PLOD3: variants seen among roughly 807,000 people sequenced by gnomAD.
PLOD3 encodes the protein procollagen-lysine,2-oxoglutarate 5-dioxygenase 3, also known as multifunctional procollagen lysine hydroxylase and glycosyltransferase LH3.
A neutral mutation model predicts 96.9 loss-of-function variants in PLOD3; 73 were observed. The observed-to-expected ratio is 0.75, with a 90% CI of 0.62 to 0.92. The LOEUF (loss-of-function observed/expected upper bound fraction) is 0.92, where lower values mean the gene tolerates loss of function less well. PLOD3 is among the 40% of genes least tolerant of loss of function. PLOD3 has a pLI of 0.00. For synonymous variants in PLOD3, 454 were observed against 413.7 expected, an observed-to-expected ratio of 1.10 and a Z score of -1.18; for missense variants, 1,004 against 1,004.3, an observed-to-expected ratio of 1.00 and a Z score of 0.00.
At position 101,215,056 on chromosome 7, in the gene PLOD3, G is replaced by GC. The variant is rs762174130; in HGVS notation, c.679+32dup. The GC allele has an allele frequency of 9.2e-6, 14 of 1,525,290 alleles. No individual in the cohort carries two copies. In the African/African-American group the frequency reaches 1.9e-4, roughly 21 times the overall value. 94.5% of individuals were successfully genotyped at this position (1,525,290 alleles called of 1,614,324 possible). A position where few individuals can be genotyped will look rare whatever the true frequency, so the allele number is the denominator to read the frequency against. ...CAAGACCCCTAGCTGCAGAGGCTGC[G>GC]CATCGCCCACCTGCGGCTGTCTTCC... On this transcript the variant is annotated intron_variant, in intron 6 of 18. Coordinates refer to ENST00000223127, the MANE Select transcript of PLOD3 (RefSeq NM_001084.5).
rs140299455 is a variant in PLOD3 at position 101,212,598 on chromosome 7, G to A, written c.937C>T (p.Arg313Cys). The A allele has an allele frequency of 1.7e-5, 28 of 1,613,804 alleles. No homozygotes were observed. The highest frequency in any genetic ancestry group is 2.1e-5 in the Non-Finnish European group (25 of 1,179,900). ...AGGAGTAGCAGCCGCTGCAGGAAGCGGGGCAGAAACGGAGTAGGCTGTTCC... is the reference window on the plus strand; with the variant it reads ...AGGAGTAGCAGCCGCTGCAGGAAGCAGGGCAGAAACGGAGTAGGCTGTTCC... ...FVEQPTPFLP[R>C]FLQRLLLLDY... is the part of the protein sequence containing the mutation. The change falls in exon 9 of 19, where the codon CGC becomes TGC. Residue 313 changes from arginine (R) to cysteine (C), a missense_variant. Physicochemically the swap from Arg to Cys is radical, Grantham distance 180. Coordinates refer to ENST00000223127, the MANE Select transcript of PLOD3 (RefSeq NM_001084.5).
rs757687149 is a variant in PLOD3 at position 101,211,631 on chromosome 7, G to A, written c.1318C>T (p.Arg440Cys). 22 of 1,606,520 alleles carry A rather than the reference G, an allele frequency of 1.4e-5. No individual in the cohort carries two copies. The highest frequency in any genetic ancestry group is 2.2e-5 in the East Asian group (1 of 44,546). Reference protein sequence around the residue: ...GALSPDEYYARSEDYVELVQR... With the variant: ...GALSPDEYYACSEDYVELVQR... ...ACCAGCTCCACGTAGTCCTCGGAGC[G>A]GGCGTAGTACTCATCGGGGCTCAGG... Residue 440 changes from arginine to cysteine, a missense_variant, in exon 12 of 19, where the codon CGC (arginine) becomes TGC (cysteine). Arg to Cys is a radical substitution (Grantham distance 180). Coordinates refer to ENST00000223127, the MANE Select transcript of PLOD3 (RefSeq NM_001084.5).
intron 17 of PLOD3, 25 bp downstream of exon 17, chr7:101,207,553 G>T: frequency 6.2e-7 from 1 of 1,610,266 alleles, no homozygotes. Context: ...AAGGTGGGGA[G>T]GCAGCTGGCA....
intron 6 of PLOD3, among the ~76,000 whole-genome samples, chr7:101,213,750 G>A (rs147574319): frequency 2.1e-3 from 321 of 152,234 alleles, no homozygotes; most frequent in African/African-American, 7.1e-3. Context: ...GCAGGCTGGA[G>A]TGCAGTGGCA....
chr7:101,209,073 G>T, intron 15 of PLOD3, 116 bp from the exon 16 acceptor site: 1 of 781,776 alleles, frequency 1.3e-6, no homozygotes, highest in Non-Finnish European at 2.2e-6. Context: ...TGTGAGAGCA[G>T]CCGGGGACCC....
In PLOD3 at chr7:101,210,073, G is replaced by A; in HGVS notation, c.1683+20C>T. The A allele has an allele frequency of 6.5e-6, 10 of 1,542,906 alleles. No individual in the cohort carries two copies. The highest frequency in any genetic ancestry group is 7.9e-6 in the Non-Finnish European group (9 of 1,135,398). On this transcript the variant is annotated intron_variant, in intron 15 of 18. Coordinates refer to ENST00000223127, the MANE Select transcript of PLOD3 (RefSeq NM_001084.5). ...TGGCCATGAGGGCAGGGGGTGGGTGGGGAGGCTGCGTGGGCTCACCTGCTC... is the reference window on the plus strand; with the variant it reads ...TGGCCATGAGGGCAGGGGGTGGGTGAGGAGGCTGCGTGGGCTCACCTGCTC...
chr7:101,213,032 C>A, intron 7 of PLOD3, 75 bp downstream of exon 7: 6 of 1,382,070 alleles, frequency 4.3e-6, no homozygotes, highest in Non-Finnish European at 1.0e-6. Context: ...CTGGGAAGGG[C>A]CAGCTTCTCA....
Position 101,216,291 on chromosome 7 carries a change from A to G in PLOD3, c.374T>C (p.Leu125Pro). 6.2e-7 allele frequency: 1 copy of G among 1,613,522 alleles called. No individual in the cohort carries two copies. Among genetic ancestry groups the G allele is most frequent in the African/African-American group, 1.3e-5 (1 of 75,050 alleles). ...DVILAGSPTE[L>P]LKKFVQSGSR... is the part of the protein sequence containing the mutation. ...GCCACTCTGGACGAACTTCTTCAGC[A>G]GCTCTGTGGGGCTGCCGGCCAGAAT... Residue 125 changes from leucine (L) to proline (P), a missense_variant, in exon 4 of 19, where the codon CTG (leucine) becomes CCG (proline). By Grantham distance (98) the Leu-to-Pro change is moderately conservative. This residue lies in a region of PLOD3 where 690 missense variants were observed against 650.2 expected (regional missense o/e 1.06). Transcript: ENST00000223127.
chr7:101,206,637 C>A lies in PLOD3; in HGVS notation c.2061+142G>T. The A allele has an allele frequency of 1.5e-5, 17 of 1,110,010 alleles. No individual in the cohort carries two copies. In the South Asian group the frequency reaches 2.2e-4, roughly 14 times the overall value. The allele number at this position is 1,110,010 out of a possible 1,614,324, so 68.8% of individuals were successfully genotyped here. On this transcript the variant is annotated intron_variant, in intron 18 of 18. Coordinates refer to ENST00000223127, the MANE Select transcript of PLOD3 (RefSeq NM_001084.5). ...CAGGAGGAAGCAGAGGCCGCCTGCC[C>A]AGAAGCGATCCAGGAGCTGATACCC...
intron 17 of PLOD3, among the ~76,000 whole-genome samples, chr7:101,207,267 C>T (rs944636600): frequency 3.3e-5 from 5 of 152,098 alleles, no homozygotes; most frequent in South Asian, 2.1e-4. Flanking sequence ...TGAGCCACCA[C>T]GCCCGGCCAT....
Position 101,210,353 on chromosome 7 carries a change from C to T in PLOD3, c.1592G>A (p.Trp531Ter). Residue 531 changes from tryptophan (W) to a stop codon, truncating the protein, a stop_gained, in exon 14 of 19, where the codon TGG becomes TAG. Transcript: ENST00000223127. LOFTEE classifies it high-confidence loss of function. ...YDTEHLHPDL[W>*]QIFDNPVDWK... ...CACGACGGGGTTGTCGAAGATCTGC[C>T]AGAGGTCGGGGTGCAGGTGCTCCGT... The T allele has an allele frequency of 6.2e-7, 1 of 1,614,162 alleles. No homozygotes were observed. The highest frequency in any genetic ancestry group is 8.5e-7 in the Non-Finnish European group (1 of 1,179,994).
At chr7:101,207,996 G>A (rs1028744789) in intron 16 of PLOD3, among the ~76,000 whole-genome samples, 13 of 152,212 alleles carry the variant, frequency 8.5e-5, no homozygotes, top group African/African-American at 2.7e-4. Flanking sequence ...GCTCATCGCA[G>A]CCTTAGAAGC....
intron 16 of PLOD3, among the ~76,000 whole-genome samples, chr7:101,208,133 T>C (rs1584250511): frequency 6.6e-6 from 1 of 152,214 alleles, no homozygotes; most frequent in African/African-American, 2.4e-5. Context: ...AGTCTTGCTC[T>C]GTCACCCAGG....
chr7:101,215,678 T>C (rs1274655790), intron 5 of PLOD3, among the ~76,000 whole-genome samples: 1 of 152,156 alleles, frequency 6.6e-6, no homozygotes, highest in Non-Finnish European at 1.5e-5. Context: ...CTTTCTTTTT[T>C]TTTGTAGAGA....
intron 6 of PLOD3, among the ~76,000 whole-genome samples, chr7:101,214,320 G>A (rs537088957): frequency 2.5e-4 from 38 of 149,316 alleles, no homozygotes; most frequent in African/African-American, 8.4e-4. Context: ...TAGTAGAGAC[G>A]GGTTTTCGCC....
chr7:101,207,012 T>C, intron 17 of PLOD3, 108 bp from the exon 18 acceptor site: 1 of 1,293,126 alleles, frequency 7.7e-7, no homozygotes, highest in Non-Finnish European at 1.1e-6. Flanking sequence ...TCACTCAGGC[T>C]GGAGTGCAGT....
intron 15 of PLOD3, chr7:101,209,833 G>T (rs977734441): frequency 2.7e-5 from 12 of 441,234 alleles, no homozygotes; most frequent in Middle Eastern, 6.1e-4. Flanking sequence ...GAGCCACTGA[G>T]CCCAGCCCCA....
At position 101,211,605 on chromosome 7, in the gene PLOD3, C is replaced by T. The variant is rs904391160; in HGVS notation, c.1344G>A (p.Val448=). The T allele has an allele frequency of 1.0e-5, 16 of 1,602,620 alleles. No individual in the cohort carries two copies. The highest frequency in any genetic ancestry group is 1.3e-5 in the Non-Finnish European group (15 of 1,175,508). ...YARSEDYVEL[V]QRKRVGVWNV... ...GCGGGACTCACACTCGCTTCCGCTGCACCAGCTCCACGTAGTCCTCGGAGC... is the reference window on the plus strand; with the variant it reads ...GCGGGACTCACACTCGCTTCCGCTGTACCAGCTCCACGTAGTCCTCGGAGC... Residue 448 remains valine (V), a synonymous_variant, in exon 12 of 19, where the codon GTG becomes GTA. Coordinates refer to ENST00000223127, the MANE Select transcript of PLOD3 (RefSeq NM_001084.5).
chr7:101,212,215 C>A, intron 10 of PLOD3, 38 bp downstream of exon 10: 1 of 1,608,114 alleles, frequency 6.2e-7, no homozygotes, highest in African/African-American at 1.3e-5. Flanking sequence ...ACCCTACAGC[C>A]TCATCCCACC....
Sources: gnomAD v4.1 joint callset for allele counts (sites outside exome capture counted in the v4.1 genomes callset) on GRCh38, gnomAD v4.1.1 for gene constraint, gnomAD v4.1.1 regional missense constraint, MANE v1.5 for transcripts, NCBI Gene and HGNC (gene_info 2026-07-23, HGNC 2026-07-21) for gene names.